CDH8: variants seen among roughly 807,000 people sequenced by gnomAD.
The protein encoded by CDH8 is cadherin 8.
Under a neutral mutation model 68.1 loss-of-function variants are expected in CDH8, and 17 were observed. That is an observed-to-expected ratio of 0.25 (90% CI 0.17 to 0.37). The LOEUF is 0.37. Among genes scored for constraint, CDH8 ranks in the 10% least tolerant of loss-of-function variants. CDH8 has a pLI of 1.00. For synonymous variants in CDH8, 372 were observed against 365.1 expected (o/e 1.02, Z -0.21); for missense variants, 763 against 999.3 (o/e 0.76, Z 3.19).
intron 2 of CDH8, among the ~76,000 whole-genome samples, chr16:61,949,097 T>G (rs1597083959): frequency 6.6e-6 from 1 of 152,132 alleles, no homozygotes; most frequent in Admixed American, 6.5e-5. Flanking sequence ...AACTCATGAG[T>G]CTTGTAGTTG....
chr16:61,971,809 C>A (rs957300354), intron 2 of CDH8, among the ~76,000 whole-genome samples: 2 of 152,070 alleles, frequency 1.3e-5, no homozygotes, highest in African/African-American at 4.8e-5. Flanking sequence ...AAAGACGTCA[C>A]TTTGGAGATT....
At chr16:61,691,496 T>G (rs956325559) in intron 10 of CDH8, among the ~76,000 whole-genome samples, 1 of 151,964 alleles carries the variant, frequency 6.6e-6, no homozygotes, top group African/African-American at 2.4e-5. Flanking sequence ...TGTCACCCAA[T>G]CTGCTTGAGA....
intron 7 of CDH8, among the ~76,000 whole-genome samples, chr16:61,797,259 AT>A (rs1961521456): frequency 6.6e-6 from 1 of 152,044 alleles, no homozygotes; most frequent in African/African-American, 2.4e-5. Context: ...ATCTGTGACA[AT>A]ATACATGCAG....
At chr16:61,714,237 C>T in intron 9 of CDH8, 1 of 347,596 alleles carries the variant, frequency 2.9e-6, no homozygotes, top group Non-Finnish European at 5.2e-6. Context: ...TTTGAAATAT[C>T]CACTGGGCAA....
chr16:61,695,090 CT>C (rs1004687077), intron 10 of CDH8, among the ~76,000 whole-genome samples: 37 of 147,726 alleles, frequency 2.5e-4, no homozygotes, highest in African/African-American at 3.0e-4. Context: ...TCTTCTTCTT[CT>C]TTTTTTTTTA....
At chr16:61,962,483 C>T (rs1965173132) in intron 2 of CDH8, among the ~76,000 whole-genome samples, 2 of 152,090 alleles carry the variant, frequency 1.3e-5, no homozygotes, top group Admixed American at 1.3e-4. Context: ...TTTTCTGTAC[C>T]ATCACATGAT....
intron 3 of CDH8, among the ~76,000 whole-genome samples, chr16:61,883,937 C>T (rs888464329): frequency 3.4e-5 from 5 of 146,256 alleles, no homozygotes; most frequent in African/African-American, 1.3e-4. Context: ...AGATAAGAAG[C>T]AGAACAGTAA....
At chr16:61,746,556 AACACACACACACACAC>A (rs71675273) in intron 8 of CDH8, among the ~76,000 whole-genome samples, 12 of 140,206 alleles carry the variant, frequency 8.6e-5, no homozygotes, top group Admixed American at 6.5e-4. Flanking sequence ...ATTCCCCCCC[AACACACACACACACAC>A]ACACACACAC....
At chr16:61,894,663 GT>G (rs1963839759) in intron 3 of CDH8, among the ~76,000 whole-genome samples, 1 of 152,090 alleles carries the variant, frequency 6.6e-6, no homozygotes, top group African/African-American at 2.4e-5. Flanking sequence ...AATAGTATGT[GT>G]TTTCTATGAG....
intron 2 of CDH8, among the ~76,000 whole-genome samples, chr16:61,922,032 A>G (rs1006951299): frequency 1.3e-5 from 2 of 152,130 alleles, no homozygotes; most frequent in Admixed American, 6.5e-5. Flanking sequence ...CTGGGGAAAA[A>G]AAAAAATAGA....
chr16:62,028,144 A>G (rs1902239626), intron 1 of CDH8, among the ~76,000 whole-genome samples: 1 of 146,072 alleles, frequency 6.8e-6, no homozygotes, highest in South Asian at 2.1e-4. Flanking sequence ...GGCTCACTGC[A>G]ACCTCTGCCT....
chr16:62,029,539 C>T (rs1902274765), intron 1 of CDH8, among the ~76,000 whole-genome samples: 2 of 152,158 alleles, frequency 1.3e-5, no homozygotes, highest in Admixed American at 1.3e-4. Context: ...CAGAACGAAC[C>T]ACATCTTTCC....
At chr16:62,034,328 G>C (rs187984652) in intron 1 of CDH8, among the ~76,000 whole-genome samples, 1 of 152,194 alleles carries the variant, frequency 6.6e-6, no homozygotes, top group Admixed American at 6.5e-5. Flanking sequence ...TGCATGCAGT[G>C]AGGTGCAGCA....
At chr16:61,716,996 C>A (rs535309932) in intron 9 of CDH8, among the ~76,000 whole-genome samples, 1 of 151,618 alleles carries the variant, frequency 6.6e-6, no homozygotes, top group African/African-American at 2.4e-5. Context: ...TATTGACATA[C>A]CGAGTAGAGG....
chr16:61,950,227 T>G (rs1327120532), intron 2 of CDH8, among the ~76,000 whole-genome samples: 5 of 152,180 alleles, frequency 3.3e-5, no homozygotes, highest in African/African-American at 1.2e-4. Flanking sequence ...CTTTTTGATC[T>G]CAAATGAATT....
intron 2 of CDH8, among the ~76,000 whole-genome samples, chr16:61,947,830 G>A (rs749195772): frequency 3.9e-5 from 6 of 152,074 alleles, no homozygotes; most frequent in Middle Eastern, 3.4e-3. Context: ...GAGCTATTAG[G>A]GCTCTGTTCT....
rs754346936 is a variant in CDH8 at position 61,653,566 on chromosome 16, T to C, written c.*42A>G. ...ATCTAAGGGGAGTGACCCTAGAATA[T>C]TACAGAATGCTCAGTTCCAGTGATT... On this transcript the variant is annotated 3_prime_UTR_variant, in exon 12 of 12. Transcript: ENST00000577390. 1 of 1,559,136 alleles carries C rather than the reference T, an allele frequency of 6.4e-7. No homozygotes were observed. The highest frequency in any genetic ancestry group is 8.7e-7 in the Non-Finnish European group (1 of 1,155,490).
intron 8 of CDH8, among the ~76,000 whole-genome samples, chr16:61,757,441 T>C (rs896670434): frequency 6.6e-6 from 1 of 152,204 alleles, no homozygotes; most frequent in Non-Finnish European, 1.5e-5. Flanking sequence ...CTTTGAGAAC[T>C]CTAATTATAT....
chr16:61,998,643 G>T (rs1965845844), intron 2 of CDH8, among the ~76,000 whole-genome samples: 1 of 152,084 alleles, frequency 6.6e-6, no homozygotes, highest in Non-Finnish European at 1.5e-5. Flanking sequence ...TATATGTTTG[G>T]CATTACTGAG....
Sources: gnomAD v4.1 joint callset for allele counts (sites outside exome capture counted in the v4.1 genomes callset) on GRCh38, gnomAD v4.1.1 for gene constraint, MANE v1.5 for transcripts, NCBI Gene and HGNC (gene_info 2026-07-23, HGNC 2026-07-21) for gene names.